Variants in NAV2 observed in about 807,000 individuals in gnomAD.
The protein encoded by NAV2 is helicase, APC down-regulated 1.
A neutral mutation model predicts 223.2 loss-of-function variants in NAV2; 54 were observed. The observed-to-expected ratio is 0.24, with a 90% confidence interval of 0.19 to 0.30. The LOEUF (loss-of-function observed/expected upper bound fraction) is 0.30, where lower values mean the gene tolerates loss of function less well. NAV2 is among the 10% of genes least tolerant of loss of function. NAV2 has a pLI of 1.00. For synonymous variants in NAV2, 1,279 were observed against 1,239.3 expected (o/e 1.03, Z -0.67); for missense variants, 2,806 against 3,147.5 (o/e 0.89, Z 2.60).
chr11:20,108,898 A>G (rs1350076136), intron 36 of NAV2, among the ~76,000 whole-genome samples: 2 of 152,238 alleles, frequency 1.3e-5, no homozygotes, highest in African/African-American at 4.8e-5. Flanking sequence ...GTTAGTAATC[A>G]GCAGACATCA....
chr11:19,517,452 T>C (rs1479414114), intron 1 of NAV2, among the ~76,000 whole-genome samples: 1 of 152,228 alleles, frequency 6.6e-6, no homozygotes, highest in Admixed American at 6.5e-5. Flanking sequence ...TAAGTAAAAC[T>C]GCCCCCAAAT....
intron 11 of NAV2, among the ~76,000 whole-genome samples, chr11:20,020,065 C>G (rs1333843485): frequency 6.6e-6 from 1 of 151,706 alleles, no homozygotes; most frequent in South Asian, 2.1e-4. Flanking sequence ...AGGGAAAAGC[C>G]AGGAAAGAGG....
chr11:19,793,257 T>TGGA (rs1020329413), intron 1 of NAV2, among the ~76,000 whole-genome samples: 1 of 147,192 alleles, frequency 6.8e-6, no homozygotes, highest in African/African-American at 2.5e-5. Context: ...AAAGGATGGA[T>TGGA]GGAGGTGCTG....
chr11:19,980,801 C>T (rs1490831737), intron 10 of NAV2, among the ~76,000 whole-genome samples: 2 of 152,118 alleles, frequency 1.3e-5, no homozygotes, highest in Non-Finnish European at 2.9e-5. Context: ...ATATACAGAG[C>T]TGTTTGTAAA....
chr11:19,397,541 G>A (rs1849510569), intron 1 of NAV2, among the ~76,000 whole-genome samples: 1 of 152,140 alleles, frequency 6.6e-6, no homozygotes, highest in Non-Finnish European at 1.5e-5. Flanking sequence ...TTATGGATAA[G>A]CTGGGTAGGG....
In NAV2 at chr11:19,901,419, C is replaced by T. The variant is rs563605626; in HGVS notation, c.931+8825C>T. Among the ~76,000 whole-genome samples, 45 of 152,250 alleles carry T rather than the reference C, an allele frequency of 3.0e-4. 1 individual carries two copies. Among genetic ancestry groups the T allele is most frequent in the Middle Eastern group, 3.4e-3 (1 of 294 alleles). On this transcript the variant is annotated intron_variant, in intron 6 of 37. Coordinates refer to ENST00000349880, the MANE Select transcript of NAV2 (RefSeq NM_145117.5). ...AAAATTAGCTGGGTGTGGTGGCGTA[C>T]GCCTGTAGTCCCAGTTAAGTGGGAG... is the stretch of plus-strand genomic sequence containing the variant.
At chr11:19,866,221 T>A (rs1425078539) in intron 3 of NAV2, among the ~76,000 whole-genome samples, 2 of 152,222 alleles carry the variant, frequency 1.3e-5, no homozygotes, top group Admixed American at 6.5e-5. Context: ...ACTGGACAGT[T>A]CTTTGTTGTG....
intron 1 of NAV2, among the ~76,000 whole-genome samples, chr11:19,473,438 A>G (rs146940944): frequency 2.4e-3 from 358 of 152,302 alleles, no homozygotes; most frequent in African/African-American, 8.2e-3. Flanking sequence ...GTAAGTCAGC[A>G]TATACTTTCA....
chr11:20,113,768 G>A (rs951402265), intron 36 of NAV2, among the ~76,000 whole-genome samples: 1 of 152,096 alleles, frequency 6.6e-6, no homozygotes, highest in African/African-American at 2.4e-5. Flanking sequence ...CAGACCTTTG[G>A]GAGACCAAGG....
At chr11:19,352,188 G>A (rs901342734) in intron 1 of NAV2, among the ~76,000 whole-genome samples, 7 of 152,138 alleles carry the variant, frequency 4.6e-5, no homozygotes, top group Non-Finnish European at 1.0e-4. Context: ...GATTTGTTTT[G>A]TGGTGTTTGA....
At chr11:19,952,605 T>C (rs2585775) in intron 10 of NAV2, among the ~76,000 whole-genome samples, 138,468 of 152,318 alleles carry the variant, frequency 0.91, 63,027 homozygotes, top group East Asian at 0.98. Context: ...AAGTTTATAG[T>C]AAGTTTATTT....
chr11:19,722,324 A>T (rs1227514502), intron 1 of NAV2, among the ~76,000 whole-genome samples: 1 of 44,758 alleles, frequency 2.2e-5, no homozygotes, highest in African/African-American at 4.7e-4. Context: ...TAATTTTTTA[A>T]AAAAAATTTA....
chr11:19,846,634 C>T (rs1275496390), intron 3 of NAV2, among the ~76,000 whole-genome samples: 1 of 152,182 alleles, frequency 6.6e-6, no homozygotes, highest in African/African-American at 2.4e-5. Context: ...GCTTATGAGC[C>T]CATCACACAT....
At chr11:20,011,556 G>C (rs933274298) in intron 11 of NAV2, among the ~76,000 whole-genome samples, 2 of 152,176 alleles carry the variant, frequency 1.3e-5, no homozygotes, top group African/African-American at 4.8e-5. Flanking sequence ...TCATTGTACA[G>C]GTGATGAAAC....
chr11:19,682,170 C>T (rs1203882566), intron 1 of NAV2, among the ~76,000 whole-genome samples: 2 of 151,988 alleles, frequency 1.3e-5, no homozygotes, highest in African/African-American at 4.8e-5. Context: ...GCTCTGTTGA[C>T]TTATGTAGAT....
chr11:19,709,655 C>T (rs532966372), upstream of NAV2, among the ~76,000 whole-genome samples: 8 of 150,070 alleles, frequency 5.3e-5, no homozygotes, highest in East Asian at 1.6e-3. Context: ...ACCAATATGA[C>T]GAAACCCCGT....
At chr11:19,371,770 T>C (rs1291358150) in intron 1 of NAV2, among the ~76,000 whole-genome samples, 6 of 12,144 alleles carry the variant, frequency 4.9e-4, no homozygotes, top group Non-Finnish European at 8.8e-4. Context: ...GTATCAGGTT[T>C]TTTTTTTTTT....
chr11:20,018,089 C>T (rs2054163318), intron 11 of NAV2, among the ~76,000 whole-genome samples: 1 of 152,102 alleles, frequency 6.6e-6, no homozygotes, highest in Non-Finnish European at 1.5e-5. Context: ...TGTGGTGGCT[C>T]ACTCCTGTAA....
chr11:20,045,638 G>A lies in NAV2; in HGVS notation c.3870G>A (p.Lys1290=), dbSNP rs1433469735. The change falls in exon 14 of 38, where the codon AAG becomes AAA. Residue 1290 remains lysine (K), a synonymous_variant. Transcript: ENST00000349880. ...PAQTSLQPGA[K]YPDVASPTLR... ...AGACCAGTCTCCAGCCTGGAGCCAA[G>A]TACCCAGATGTGGCCTCTCCCACAC... The A allele has an allele frequency of 1.2e-6, 2 of 1,614,180 alleles. No individual in the cohort carries two copies. The highest frequency in any genetic ancestry group is 4.5e-5 in the East Asian group (2 of 44,870).
Sources: allele counts gnomAD v4.1 joint callset (sites outside exome capture counted in the v4.1 genomes callset), GRCh38; gene constraint gnomAD v4.1.1; transcripts MANE v1.5; gene names NCBI Gene and HGNC (gene_info 2026-07-23, HGNC 2026-07-21).